The following HSPBAP1 variants were observed in gnomAD, a reference collection of about 807,000 sequenced individuals.
HSPBAP1 encodes the protein HSPB1-associated protein 1.
HSPBAP1 carries 27 observed loss-of-function variants against 45.2 expected under a neutral mutation model. The ratio of observed to expected loss-of-function variants is 0.60; its 90% CI spans 0.44 to 0.82. HSPBAP1 has a LOEUF of 0.82. HSPBAP1 is among the 40% of genes least tolerant of loss of function. The pLI is 0.00. For synonymous variants in HSPBAP1, 204 were observed against 202.7 expected, an observed-to-expected ratio of 1.01 and a Z score of -0.06; for missense variants, 510 against 590.9, an observed-to-expected ratio of 0.86 and a Z score of 1.42.
At chr3:122,789,573 C>T (rs1935759178) in intron 1 of HSPBAP1, among the ~76,000 whole-genome samples, 1 of 152,214 alleles carries the variant, frequency 6.6e-6, no homozygotes, top group South Asian at 2.1e-4. Context: ...AGACCTCTTA[C>T]TTTTATCTCC....
At chr3:122,753,820 TG>T in intron 5 of HSPBAP1, 1 of 984,918 alleles carries the variant, frequency 1.0e-6, no homozygotes, top group Non-Finnish European at 1.2e-6. Context: ...CAGAAAGAGC[TG>T]GGTTTGAGTG....
At chr3:122,762,669 T>G (rs985578404) in intron 3 of HSPBAP1, among the ~76,000 whole-genome samples, 5 of 152,218 alleles carry the variant, frequency 3.3e-5, no homozygotes, top group Admixed American at 6.5e-5. Context: ...TTCAAATTTT[T>G]GGGGATTTTT....
intron 2 of HSPBAP1, among the ~76,000 whole-genome samples, chr3:122,769,334 A>G (rs1385750192): frequency 6.6e-6 from 1 of 152,172 alleles, no homozygotes; most frequent in African/African-American, 2.4e-5. Context: ...AGTTAAATGC[A>G]AAATTTTATG....
At chr3:122,750,283 GT>G in intron 6 of HSPBAP1, among the ~76,000 whole-genome samples, 1 of 151,982 alleles carries the variant, frequency 6.6e-6, no homozygotes, top group East Asian at 1.9e-4. Flanking sequence ...TTATGTTACT[GT>G]TTTTAAGGAC....
intron 2 of HSPBAP1, among the ~76,000 whole-genome samples, chr3:122,777,004 A>G (rs957086787): frequency 1.3e-5 from 2 of 152,212 alleles, no homozygotes; most frequent in African/African-American, 2.4e-5. Flanking sequence ...CAAGTTAAAC[A>G]TCAGAAAAAT....
chr3:122,747,057 C>A (rs979354282), intron 6 of HSPBAP1, among the ~76,000 whole-genome samples: 3 of 151,500 alleles, frequency 2.0e-5, no homozygotes, highest in African/African-American at 4.9e-5. Context: ...GAGATTGCAG[C>A]CTCTGCCCGG....
In HSPBAP1 at chr3:122,759,306, A is replaced by G; in HGVS notation, c.487T>C (p.Leu163=). Residue 163 remains leucine, a synonymous_variant, in exon 4 of 8, where the codon TTG becomes CTG. Coordinates refer to ENST00000306103, the MANE Select transcript of HSPBAP1 (RefSeq NM_024610.6). ...TGGGCTCCCAAGGAGCCAATCCACAATGTACTTTCCTGTCCATTTCTTCCA... is the reference window on the plus strand; with the variant it reads ...TGGGCTCCCAAGGAGCCAATCCACAGTGTACTTTCCTGTCCATTTCTTCCA... ...FPGRNGQEST[L]WIGSLGAHTP... 6.2e-7 allele frequency: 1 copy of G among 1,613,888 alleles called. No homozygotes were observed. Among genetic ancestry groups the G allele is most frequent in the South Asian group, 1.1e-5 (1 of 91,080 alleles).
At chr3:122,780,913 G>A (rs1935438019) in intron 1 of HSPBAP1, among the ~76,000 whole-genome samples, 1 of 95,686 alleles carries the variant, frequency 1.0e-5, no homozygotes, top group South Asian at 4.0e-4. Context: ...TCACATCCCA[G>A]ACGGGGCGGC....
chr3:122,788,953 C>T (rs1935737781), intron 1 of HSPBAP1, among the ~76,000 whole-genome samples: 1 of 152,140 alleles, frequency 6.6e-6, no homozygotes, highest in Non-Finnish European at 1.5e-5. Flanking sequence ...GTTTTTACCA[C>T]AATAAAACAA....
intron 4 of HSPBAP1, among the ~76,000 whole-genome samples, chr3:122,757,760 A>C (rs1463986760): frequency 3.3e-5 from 5 of 152,264 alleles, no homozygotes; most frequent in African/African-American, 1.2e-4. Flanking sequence ...ATAAAGTGAT[A>C]TTAACTTTAT....
At chr3:122,787,335 C>T (rs557876130) in intron 1 of HSPBAP1, among the ~76,000 whole-genome samples, 1 of 152,234 alleles carries the variant, frequency 6.6e-6, no homozygotes, top group South Asian at 2.1e-4. Context: ...TCTCTGAGAA[C>T]GCCAACTATC....
chr3:122,779,469 G>A (rs535728470), intron 1 of HSPBAP1, among the ~76,000 whole-genome samples: 2 of 140,878 alleles, frequency 1.4e-5, no homozygotes, highest in African/African-American at 5.1e-5. Flanking sequence ...TTCTCTGCCC[G>A]TTAAACTCTT....
chr3:122,753,196 ATG>A (rs1934222214), intron 5 of HSPBAP1: 3 of 90,008 alleles, frequency 3.3e-5, no homozygotes, highest in African/African-American at 7.0e-5. Flanking sequence ...GGCAACATGG[ATG>A]GAAGAAGTGT....
At chr3:122,786,172 G>T (rs1235783146) in intron 1 of HSPBAP1, among the ~76,000 whole-genome samples, 2 of 151,618 alleles carry the variant, frequency 1.3e-5, no homozygotes, top group African/African-American at 4.8e-5. Flanking sequence ...ATTCATAGCT[G>T]GTATAACACC....
intron 1 of HSPBAP1, among the ~76,000 whole-genome samples, chr3:122,787,436 C>T (rs762136344): frequency 3.9e-5 from 6 of 152,138 alleles, no homozygotes; most frequent in Non-Finnish European, 8.8e-5. Flanking sequence ...GTGTCCAGGA[C>T]ACTCCGAATA....
At position 122,748,171 on chromosome 3, in the gene HSPBAP1, C is replaced by T. The variant is rs61829231; in HGVS notation, c.825+4420G>A. ...TGCAAGATGTGCTTTGTTAAACAGACGCTTGAAGGCAGCGTGCTCGTTGAG... is the reference window on the plus strand; with the variant it reads ...TGCAAGATGTGCTTTGTTAAACAGATGCTTGAAGGCAGCGTGCTCGTTGAG... On this transcript the variant is annotated intron_variant, in intron 6 of 7. Transcript: ENST00000306103. Among the ~76,000 whole-genome samples the T allele has an allele frequency of 8.3e-4, 127 of 152,256 alleles. 4 individuals are homozygous for T. The East Asian group carries it at 0.016, about 20-fold the overall frequency.
rs977945349 is a variant in HSPBAP1 at position 122,789,925 on chromosome 3, C to T, written c.64+3692G>A. ...TTGCTCAGGCTGGAGTGCCATAGCA[C>T]GATCTCAACTCACTACAACCTCCGC... On this transcript the variant is annotated intron_variant, in intron 1 of 7. Transcript: ENST00000306103. 4.0e-5 allele frequency among the ~76,000 whole-genome samples: 6 copies of T among 149,760 alleles called. No individual in the cohort carries two copies. The South Asian group carries it at 6.3e-4, about 16-fold the overall frequency.
intron 6 of HSPBAP1, among the ~76,000 whole-genome samples, chr3:122,751,094 C>T (rs1341009317): frequency 6.6e-6 from 1 of 152,170 alleles, no homozygotes; most frequent in Non-Finnish European, 1.5e-5. Flanking sequence ...ACAAGCAGCA[C>T]TGGAGATATT....
chr3:122,766,213 T>A (rs1222298117), intron 3 of HSPBAP1, among the ~76,000 whole-genome samples: 1 of 152,246 alleles, frequency 6.6e-6, no homozygotes, highest in East Asian at 1.9e-4. Flanking sequence ...GTGGGTTGTG[T>A]CATTTTAAAT....
Sources: allele counts gnomAD v4.1 joint callset (sites outside exome capture counted in the v4.1 genomes callset), GRCh38; gene constraint gnomAD v4.1.1; transcripts MANE v1.5; gene names NCBI Gene and HGNC (gene_info 2026-07-23, HGNC 2026-07-21).